The following TCTN1 variants were observed in gnomAD, a reference collection of about 807,000 sequenced individuals.
TCTN1 encodes tectonic-1.
Under a neutral mutation model 65.8 loss-of-function variants are expected in TCTN1, and 58 were observed. The ratio of observed to expected loss-of-function variants is 0.88; its 90% CI spans 0.71 to 1.10. The LOEUF is 1.10. Ranked by LOEUF, TCTN1 falls within the 50% of genes least tolerant of loss-of-function variation. TCTN1 has a pLI of 0.00. For synonymous variants in TCTN1, 273 were observed against 289.1 expected, an observed-to-expected ratio of 0.94 and a Z score of 0.57; for missense variants, 645 against 719.4, an observed-to-expected ratio of 0.90 and a Z score of 1.18.
In TCTN1 at chr12:110,647,795, C is replaced by G. The variant is rs773237827; in HGVS notation, c.1682C>G (p.Thr561Ser). The G allele has an allele frequency of 1.2e-6, 2 of 1,614,194 alleles. No individual in the cohort carries two copies. Among genetic ancestry groups the G allele is most frequent in the South Asian group, 1.1e-5 (1 of 91,088 alleles). ...ERTILISTAV[T>S]FVDVSAPAEA... ...ACGATTCTTATTTCCACTGCGGTTA[C>G]TTTTGTGGATGTGTCTGCACCTGCA... The change falls in exon 14 of 15, where the codon ACT (threonine) becomes AGT (serine). Residue 561 changes from threonine to serine, a missense_variant. Coordinates refer to ENST00000397659, the MANE Select transcript of TCTN1 (RefSeq NM_001082538.3).
intron 3 of TCTN1, chr12:110,627,845 G>T (rs758017430): frequency 4.9e-6 from 3 of 606,268 alleles, no homozygotes; most frequent in Non-Finnish European, 8.8e-6. Context: ...TCAGAGACAC[G>T]TTTATGCTTT....
chr12:110,614,553 C>T lies in TCTN1; in HGVS notation c.220+151C>T. 4 of 1,459,192 alleles carry T rather than the reference C, an allele frequency of 2.7e-6. No homozygotes were observed. In the South Asian group the frequency reaches 3.7e-5, roughly 13 times the overall value. 90.4% of individuals were successfully genotyped at this position (1,459,192 alleles called of 1,614,324 possible). On this transcript the variant is annotated intron_variant, in intron 1 of 14. Transcript: ENST00000397659. ...GTTCCATAAACGTCCATTCTCTAAACAATAACCCTGAGAAGTAGCTGTTAC... is the reference window on the plus strand; with the variant it reads ...GTTCCATAAACGTCCATTCTCTAAATAATAACCCTGAGAAGTAGCTGTTAC...
At position 110,632,491 on chromosome 12, in the gene TCTN1, C is replaced by T. The variant is rs545613207; in HGVS notation, c.644C>T (p.Thr215Ile). 1 of 1,614,032 alleles carries T rather than the reference C, an allele frequency of 6.2e-7. No homozygotes were observed. ...TTGCAGTATGGGGTTCCTCTGCAGACTTCAGATTCGTTTCTGAGATTTCCT... is the reference window on the plus strand; with the variant it reads ...TTGCAGTATGGGGTTCCTCTGCAGATTTCAGATTCGTTTCTGAGATTTCCT... ...AKYEYGVPLQ[T>I]SDSFLRFPSS... The change falls in exon 5 of 15, where the codon ACT becomes ATT. Residue 215 changes from threonine to isoleucine, a missense_variant. Thr to Ile is a moderately conservative substitution (Grantham distance 89). Transcript: ENST00000397659.
intron 5 of TCTN1, among the ~76,000 whole-genome samples, chr12:110,633,674 T>TC (rs1022223841): frequency 7.4e-5 from 11 of 148,626 alleles, no homozygotes; most frequent in African/African-American, 2.7e-4. Context: ...CAAAAACAAC[T>TC]CCCCCTCCCC....
rs1178442084 is a variant in TCTN1 at position 110,626,311 on chromosome 12, A to G, written c.342-51A>G. 9.8e-6 allele frequency: 15 copies of G among 1,535,204 alleles called. No homozygotes were observed. In the African/African-American group the frequency reaches 1.8e-4, roughly 18 times the overall value. On this transcript the variant is annotated intron_variant, in intron 2 of 14. Transcript: ENST00000397659. ...ACAGTTTTAAAATAATTTTGCTAAG[A>G]TTGTGTGCTTATGTCTTGTAACTTT... is the stretch of plus-strand genomic sequence containing the variant.
At chr12:110,642,709 C>T (rs1318461718) in intron 11 of TCTN1, among the ~76,000 whole-genome samples, 6 of 151,312 alleles carry the variant, frequency 4.0e-5, no homozygotes, top group African/African-American at 9.7e-5. Flanking sequence ...CAAGGGATCC[C>T]GCCTCAGTCT....
chr12:110,628,656 T>G, intron 3 of TCTN1, 111 bp from the exon 4 acceptor site: 1 of 1,002,416 alleles, frequency 1.0e-6, no homozygotes, highest in Non-Finnish European at 1.5e-6. Flanking sequence ...ACTATTTGTT[T>G]TTTACATCAG....
At position 110,642,340 on chromosome 12, in the gene TCTN1, C is replaced by T. The variant is rs572643772; in HGVS notation, c.1282C>T (p.Arg428Trp). The change falls in exon 11 of 15, where the codon CGG (arginine) becomes TGG (tryptophan). Residue 428 changes from arginine to tryptophan, a missense_variant. Coordinates refer to ENST00000397659, the MANE Select transcript of TCTN1 (RefSeq NM_001082538.3). ...AGACTGCTTAGCACTGGAGGGGGTC[C>T]GGACCCCAGTATTATTTGGTTACAC... ...EQDCLALEGV[R>W]TPVLFGYTMQ... is the part of the protein sequence containing the mutation. The T allele has an allele frequency of 1.5e-5, 25 of 1,614,162 alleles. No individual in the cohort carries two copies. Among genetic ancestry groups the T allele is most frequent in the East Asian group, 1.1e-4 (5 of 44,882 alleles).
chr12:110,645,245 C>T (rs1259612346), intron 12 of TCTN1, 116 bp downstream of exon 12: 13 of 1,368,916 alleles, frequency 9.5e-6, no homozygotes, highest in Admixed American at 3.9e-5. Context: ...AGTGGGAGCG[C>T]GGGCTGAATC....
chr12:110,636,950 G>C (rs988873477), intron 7 of TCTN1, among the ~76,000 whole-genome samples: 1 of 152,208 alleles, frequency 6.6e-6, no homozygotes, highest in Non-Finnish European at 1.5e-5. Context: ...ATTTGAGGGT[G>C]GGTTCTTTTC....
In TCTN1 at chr12:110,620,268, C is replaced by T. The variant is rs548202590; in HGVS notation, c.341+312C>T. ...TAAAAATCCAAAAAAATTAGCCGGGCATGTTGGCGGGCACCTGTGGTCCCA... is the reference window on the plus strand; with the variant it reads ...TAAAAATCCAAAAAAATTAGCCGGGTATGTTGGCGGGCACCTGTGGTCCCA... On this transcript the variant is annotated intron_variant, in intron 2 of 14. Coordinates refer to ENST00000397659, the MANE Select transcript of TCTN1 (RefSeq NM_001082538.3). Among the ~76,000 whole-genome samples, 39 of 152,162 alleles carry T rather than the reference C, an allele frequency of 2.6e-4. 1 individual carries two copies. In the South Asian group the frequency reaches 8.1e-3, roughly 32 times the overall value.
intron 4 of TCTN1, 73 bp downstream of exon 4, chr12:110,628,991 AC>A: frequency 6.3e-7 from 1 of 1,578,222 alleles, no homozygotes; most frequent in East Asian, 2.2e-5. Context: ...TTTCAAGGTT[AC>A]CAGGAAAACT....
chr12:110,629,035 T>A, intron 4 of TCTN1, 117 bp downstream of exon 4: 1 of 1,141,520 alleles, frequency 8.8e-7, no homozygotes, highest in Non-Finnish European at 1.3e-6. Context: ...TATTATAGAC[T>A]AAAAAACTTA....
rs1263671097 is a variant in TCTN1 at position 110,626,344 on chromosome 12, TA to T, written c.342-17del. Reference sequence around the variant, plus strand: ...CTTATGTCTTGTAACTTTGTATTATTATTTTTTTAATTTTCAGGGGCGACAG... The same window carrying T: ...CTTATGTCTTGTAACTTTGTATTATTTTTTTTTAATTTTCAGGGGCGACAG... On this transcript the variant is annotated splice_polypyrimidine_tract_variant and intron_variant, in intron 2 of 14. Coordinates refer to ENST00000397659, the MANE Select transcript of TCTN1 (RefSeq NM_001082538.3). 3.2e-6 allele frequency: 5 copies of T among 1,552,594 alleles called. No homozygotes were observed. The Admixed American group carries it at 5.9e-5, about 18-fold the overall frequency.
Position 110,640,898 on chromosome 12 carries a change from G to C in TCTN1, c.979-126G>C, listed in dbSNP as rs1370033634. 1.1e-5 allele frequency: 15 copies of C among 1,375,470 alleles called. No individual in the cohort carries two copies. The highest frequency in any genetic ancestry group is 1.5e-5 in the Non-Finnish European group (15 of 975,024). 85.2% of individuals were successfully genotyped at this position (1,375,470 alleles called of 1,614,324 possible). The stretch of plus-strand genomic sequence containing the variant: ...ACACCTCTCATAATCCAACTGGACA[G>C]CAGAGCAAGGCTTCAACACATGGAG... On this transcript the variant is annotated intron_variant, in intron 8 of 14. Transcript: ENST00000397659. The surrounding 1 kb of genome is among the most constrained non-coding windows in gnomAD (Gnocchi z 4.9).
chr12:110,631,303 T>G (rs2066222026), intron 4 of TCTN1, among the ~76,000 whole-genome samples: 2 of 144,606 alleles, frequency 1.4e-5, no homozygotes, highest in Non-Finnish European at 3.0e-5. Flanking sequence ...GGGATTACGA[T>G]GTGAGCCACT....
At chr12:110,648,346 C>CCTT (rs1371449365) in intron 14 of TCTN1, among the ~76,000 whole-genome samples, 1 of 152,012 alleles carries the variant, frequency 6.6e-6, no homozygotes, top group East Asian at 1.9e-4. Context: ...TGCCTTTTTT[C>CCTT]CTTTTGGAAA....
At chr12:110,623,691 C>T (rs990853376) in intron 2 of TCTN1, among the ~76,000 whole-genome samples, 5 of 152,164 alleles carry the variant, frequency 3.3e-5, no homozygotes, top group South Asian at 2.1e-4. Context: ...TGGGCTCAAG[C>T]AGTCCTCCTA....
chr12:110,639,283 G>T lies in TCTN1; in HGVS notation c.844-1100G>T, dbSNP rs2066792301. ...ACGAGGAGGCTCAGCTACCTTTAGA[G>T]GATGGCTTGATGCCTTGTTACTCTG... On this transcript the variant is annotated intron_variant, in intron 7 of 14. Transcript: ENST00000397659. The surrounding 1 kb of genome is among the most constrained non-coding windows in gnomAD (Gnocchi z 4.9). 6.6e-6 allele frequency among the ~76,000 whole-genome samples: 1 copy of T among 152,218 alleles called. No homozygotes were observed. The highest frequency in any genetic ancestry group is 2.1e-4 in the South Asian group (1 of 4,832).
Sources: gnomAD v4.1 joint callset for allele counts (sites outside exome capture counted in the v4.1 genomes callset) on GRCh38, gnomAD v4.1.1 for gene constraint, Gnocchi (gnomAD v3.1) non-coding constraint, MANE v1.5 for transcripts, NCBI Gene and HGNC (gene_info 2026-07-23, HGNC 2026-07-21) for gene names.